CSMD1: variants seen among roughly 807,000 people sequenced by gnomAD.
The protein encoded by CSMD1 is CUB and Sushi multiple domains 1.
In CSMD1, 213 loss-of-function variants were observed where a neutral mutation model predicts 417.5. That is an observed-to-expected ratio of 0.51 (90% CI 0.46 to 0.57). The LOEUF (loss-of-function observed/expected upper bound fraction) is 0.57. Among genes scored for constraint, CSMD1 ranks in the 20% least tolerant of loss-of-function variants. The pLI is 0.00. For missense variants in CSMD1, 6,923 were observed against 4,529.7 expected, an observed-to-expected ratio of 1.53 and a Z score of -15.17; for synonymous variants, 2,862 against 1,736.8, an observed-to-expected ratio of 1.65 and a Z score of -16.11.
chr8:4,861,011 A>G lies in CSMD1; in HGVS notation c.85+133321T>C, dbSNP rs530276016. 1.8e-3 allele frequency among the ~76,000 whole-genome samples: 274 copies of G among 152,246 alleles called. 1 individual carries two copies. The highest frequency in any genetic ancestry group is 3.2e-3 in the Non-Finnish European group (215 of 68,020). On this transcript the variant is annotated intron_variant, in intron 1 of 69. Coordinates refer to ENST00000635120, the MANE Select transcript of CSMD1 (RefSeq NM_033225.6). ...CACGTTCTCACTACTATTGTAATACATATTCTAGGTGCTTATTTATCTATG... is the reference window on the plus strand; with the variant it reads ...CACGTTCTCACTACTATTGTAATACGTATTCTAGGTGCTTATTTATCTATG...
At chr8:4,246,853 A>G (rs1255037714) in intron 3 of CSMD1, among the ~76,000 whole-genome samples, 1 of 152,190 alleles carries the variant, frequency 6.6e-6, no homozygotes, top group Admixed American at 6.5e-5. Context: ...AGAGCTGAAC[A>G]CTCAAATAAT....
At chr8:4,153,840 G>T (rs538724871) in intron 3 of CSMD1, among the ~76,000 whole-genome samples, 1 of 152,342 alleles carries the variant, frequency 6.6e-6, no homozygotes, top group African/African-American at 2.4e-5. Flanking sequence ...TCACATGCAA[G>T]TGGTGACCGT....
intron 60 of CSMD1, 42 bp downstream of exon 60, chr8:2,963,180 C>G (rs760171448): frequency 6.2e-7 from 1 of 1,602,482 alleles, no homozygotes; most frequent in East Asian, 2.2e-5. Context: ...GTCCCTGTTG[C>G]AGACCTGCAG....
At chr8:4,241,631 A>T (rs1329468430) in intron 3 of CSMD1, among the ~76,000 whole-genome samples, 1 of 152,244 alleles carries the variant, frequency 6.6e-6, no homozygotes, top group Admixed American at 6.5e-5. Context: ...AGGAGAAATA[A>T]TTCAATGATC....
intron 10 of CSMD1, among the ~76,000 whole-genome samples, chr8:3,505,032 T>G (rs182618716): frequency 6.6e-6 from 1 of 150,466 alleles, no homozygotes; most frequent in South Asian, 2.1e-4. Context: ...AAAAAAAGTT[T>G]TGCTGCATAA....
chr8:3,492,692 A>G (rs1796175226), intron 11 of CSMD1, among the ~76,000 whole-genome samples: 1 of 152,190 alleles, frequency 6.6e-6, no homozygotes, highest in African/African-American at 2.4e-5. Context: ...CCAGGTCATA[A>G]GGCTGCAGAA....
chr8:3,818,359 C>T (rs1801515745), intron 5 of CSMD1, among the ~76,000 whole-genome samples: 1 of 152,170 alleles, frequency 6.6e-6, no homozygotes, highest in African/African-American at 2.4e-5. Flanking sequence ...AAACCCCTTC[C>T]TAAGGTCTCC....
intron 3 of CSMD1, among the ~76,000 whole-genome samples, chr8:4,369,980 T>G (rs982150457): frequency 4.6e-5 from 7 of 152,158 alleles, no homozygotes; most frequent in African/African-American, 1.7e-4. Flanking sequence ...GAGAATTGTA[T>G]CTATCATCTT....
At chr8:3,357,182 G>GA (rs1318470321) in intron 21 of CSMD1, among the ~76,000 whole-genome samples, 2 of 152,262 alleles carry the variant, frequency 1.3e-5, no homozygotes, top group South Asian at 2.1e-4. Flanking sequence ...GGGGCTGGAG[G>GA]AAAAATCAGG....
chr8:3,778,483 C>A (rs938772532), intron 5 of CSMD1, among the ~76,000 whole-genome samples: 1 of 152,206 alleles, frequency 6.6e-6, no homozygotes, highest in African/African-American at 2.4e-5. Flanking sequence ...TCCTGTCTTA[C>A]GGTAGTCCCA....
At chr8:3,313,864 C>T (rs562632145) in intron 23 of CSMD1, among the ~76,000 whole-genome samples, 18 of 152,278 alleles carry the variant, frequency 1.2e-4, no homozygotes, top group African/African-American at 4.3e-4. Context: ...AGATTTGGAA[C>T]CAACCCAAAT....
At chr8:3,044,875 A>G (rs2128985535) in intron 50 of CSMD1, among the ~76,000 whole-genome samples, 1 of 152,366 alleles carries the variant, frequency 6.6e-6, no homozygotes, top group Non-Finnish European at 1.5e-5. Flanking sequence ...AAACTGTTTC[A>G]TACCATCATA....
intron 26 of CSMD1, among the ~76,000 whole-genome samples, chr8:3,247,441 C>G (rs1168215822): frequency 6.6e-6 from 1 of 152,184 alleles, no homozygotes; most frequent in Non-Finnish European, 1.5e-5. Flanking sequence ...GTATCTCTGA[C>G]AAACCATTTC....
chr8:4,494,956 G>GA (rs575494051), intron 2 of CSMD1, among the ~76,000 whole-genome samples: 44 of 151,834 alleles, frequency 2.9e-4, no homozygotes, highest in African/African-American at 9.9e-4. Flanking sequence ...AAAGGCAGCA[G>GA]AAAAAAACAG....
At chr8:4,649,029 G>C in intron 1 of CSMD1, among the ~76,000 whole-genome samples, 1 of 152,122 alleles carries the variant, frequency 6.6e-6, no homozygotes, top group East Asian at 1.9e-4. Flanking sequence ...TATTCTCTTT[G>C]GCCGAGAAAC....
chr8:4,354,033 C>A (rs1801254148), intron 3 of CSMD1, among the ~76,000 whole-genome samples: 1 of 152,320 alleles, frequency 6.6e-6, no homozygotes, highest in East Asian at 1.9e-4. Context: ...TTTTTCCTCT[C>A]CATACCAGTG....
intron 1 of CSMD1, among the ~76,000 whole-genome samples, chr8:4,757,958 T>TG (rs1811773438): frequency 1.4e-5 from 1 of 71,050 alleles, no homozygotes; most frequent in African/African-American, 5.3e-5. Flanking sequence ...AGACTTTGTC[T>TG]CAAAAAAAAA....
At position 4,729,562 on chromosome 8, in the gene CSMD1, A is replaced by C. The variant is rs143197048; in HGVS notation, c.86-92004T>G. On this transcript the variant is annotated intron_variant, in intron 1 of 69. Transcript: ENST00000635120. ...GCTGTTGAGAATGATGCATTAGGCA[A>C]ATTTCGATATTGCTAGAGAAACATA... 2.7e-3 allele frequency among the ~76,000 whole-genome samples: 409 copies of C among 152,320 alleles called. 3 individuals are homozygous for C. The highest frequency in any genetic ancestry group is 9.4e-3 in the African/African-American group (392 of 41,564).
At chr8:3,723,253 G>A (rs114205675) in intron 6 of CSMD1, among the ~76,000 whole-genome samples, 2,123 of 152,160 alleles carry the variant, frequency 0.014, 60 homozygotes, top group African/African-American at 0.047. Flanking sequence ...ACAATGCAAC[G>A]GGGACTGTCC....
Sources: allele counts gnomAD v4.1 joint callset (sites outside exome capture counted in the v4.1 genomes callset), GRCh38; gene constraint gnomAD v4.1.1; transcripts MANE v1.5; gene names NCBI Gene and HGNC (gene_info 2026-07-23, HGNC 2026-07-21).